The following APAF1 variants were observed in gnomAD, a reference collection of about 807,000 sequenced individuals.
APAF1 encodes the protein apoptotic peptidase activating factor 1, also known as apoptotic protease-activating factor 1.
In APAF1, 91 loss-of-function variants were observed where a neutral mutation model predicts 152.4. The observed-to-expected ratio is 0.60, with a 90% CI of 0.50 to 0.71. APAF1 has a LOEUF of 0.71. APAF1 is among the 30% of genes least tolerant of loss of function. The pLI is 0.00. For synonymous variants in APAF1, 484 were observed against 494.1 expected (o/e 0.98, Z 0.27); for missense variants, 1,283 against 1,472.0 (o/e 0.87, Z 2.10).
At chr12:98,703,064 A>G (rs946626978) in intron 17 of APAF1, among the ~76,000 whole-genome samples, 7 of 152,180 alleles carry the variant, frequency 4.6e-5, no homozygotes, top group African/African-American at 1.7e-4. Flanking sequence ...AGCATTAGGG[A>G]GAACTACTCT....
chr12:98,698,596 A>G (rs777921326), intron 16 of APAF1, among the ~76,000 whole-genome samples: 27 of 152,158 alleles, frequency 1.8e-4, no homozygotes, highest in Non-Finnish European at 3.4e-4. Context: ...TTGAAAATGT[A>G]CCTGGCCAGA....
intron 5 of APAF1, among the ~76,000 whole-genome samples, chr12:98,660,191 C>T (rs1401957927): frequency 1.3e-5 from 2 of 151,996 alleles, no homozygotes; most frequent in African/African-American, 2.4e-5. Flanking sequence ...CTAAAAAATA[C>T]AAAAATTAAT....
chr12:98,661,806 T>G (rs1055160559), intron 5 of APAF1, among the ~76,000 whole-genome samples: 1 of 152,048 alleles, frequency 6.6e-6, no homozygotes, highest in African/African-American at 2.4e-5. Flanking sequence ...GACAAAAATG[T>G]TATTGTATAA....
chr12:98,708,996 A>G (rs1253851025), intron 20 of APAF1, among the ~76,000 whole-genome samples: 1 of 152,220 alleles, frequency 6.6e-6, no homozygotes, highest in Non-Finnish European at 1.5e-5. Flanking sequence ...CATGTTGTCT[A>G]CAAGAGTGAT....
At chr12:98,648,087 A>G (rs1252096018) in intron 1 of APAF1, among the ~76,000 whole-genome samples, 2 of 152,188 alleles carry the variant, frequency 1.3e-5, no homozygotes, top group African/African-American at 4.8e-5. Flanking sequence ...AAACAATTCC[A>G]TATCTTACTG....
chr12:98,705,458 G>A (rs2097720416), intron 18 of APAF1, among the ~76,000 whole-genome samples: 1 of 152,190 alleles, frequency 6.6e-6, no homozygotes, highest in South Asian at 2.1e-4. Context: ...ATAAGGCGGA[G>A]AAAATTTCAT....
chr12:98,674,821 G>T (rs1364514795), intron 12 of APAF1, among the ~76,000 whole-genome samples: 1 of 152,154 alleles, frequency 6.6e-6, no homozygotes, highest in South Asian at 2.1e-4. Flanking sequence ...ACTTAGAACA[G>T]CACCCAGTTC....
At position 98,671,701 on chromosome 12, in the gene APAF1, T is replaced by C; in HGVS notation, c.1775T>C (p.Met592Thr). The C allele has an allele frequency of 6.2e-7, 1 of 1,614,106 alleles. No homozygotes were observed. Among genetic ancestry groups the C allele is most frequent in the Non-Finnish European group, 8.5e-7 (1 of 1,180,008 alleles). Residue 592 changes from methionine to threonine, a missense_variant, in exon 12 of 27, where the codon ATG becomes ACG. Transcript: ENST00000551964. ...LQAKQEVDNG[M>T]LYLEWINKKN... ...GCCAAGCAGGAGGTCGATAATGGAA[T>C]GCTTTACCTGGAATGGATGTAAGTA...
At chr12:98,706,909 C>T (rs1412061091) in intron 19 of APAF1, among the ~76,000 whole-genome samples, 1 of 152,092 alleles carries the variant, frequency 6.6e-6, no homozygotes, top group East Asian at 1.9e-4. Context: ...TTTTCTTTAC[C>T]TTGAATTCCT....
At chr12:98,647,123 G>C (rs2097641993) in intron 1 of APAF1, among the ~76,000 whole-genome samples, 1 of 151,848 alleles carries the variant, frequency 6.6e-6, no homozygotes, top group Non-Finnish European at 1.5e-5. Context: ...AAAAAAAATT[G>C]ACAGTAGAGG....
Position 98,725,507 on chromosome 12 carries a change from G to A in APAF1, c.3423G>A (p.Leu1141=). Residue 1141 remains leucine, a synonymous_variant, in exon 25 of 27, where the codon CTG becomes CTA. Transcript: ENST00000551964. The part of the protein sequence containing the change: ...RCSAFSVDST[L]LATGDDNGEI... ...CTGCCTTCTCTGTGGACAGTACCCT[G>A]CTGGCAACGGGAGATGACAATGGAG... The A allele has an allele frequency of 6.2e-7, 1 of 1,614,164 alleles. No homozygotes were observed.
chr12:98,648,397 G>A lies in APAF1; in HGVS notation c.38G>A (p.Arg13Lys), dbSNP rs373035647. The A allele has an allele frequency of 2.3e-4, 378 of 1,614,052 alleles. 2 individuals are homozygous for A. In the South Asian group the frequency reaches 3.9e-3, roughly 17 times the overall value. The change falls in exon 2 of 27, where the codon AGA becomes AAA. Residue 13 changes from arginine to lysine, a missense_variant. Transcript: ENST00000551964. ...AKARNCLLQHREALEKDIKTS... is the reference protein window; with the variant it reads ...AKARNCLLQHKEALEKDIKTS... ...GCTCGAAATTGTTTGCTTCAACATA[G>A]AGAAGCTCTGGAAAAGGACATCAAG...
At chr12:98,686,192 T>C (rs2097697883) in intron 15 of APAF1, among the ~76,000 whole-genome samples, 1 of 152,228 alleles carries the variant, frequency 6.6e-6, no homozygotes, top group Middle Eastern at 3.2e-3. Flanking sequence ...GTTCTGCCTC[T>C]TAAGTCTCTT....
At chr12:98,666,558 C>T (rs1008602335) in intron 9 of APAF1, among the ~76,000 whole-genome samples, 20 of 152,162 alleles carry the variant, frequency 1.3e-4, no homozygotes, top group African/African-American at 2.4e-4. Flanking sequence ...CACTAACCTA[C>T]GTGTTCTTTT....
chr12:98,650,379 G>A (rs11109557), intron 4 of APAF1, among the ~76,000 whole-genome samples: 29,107 of 151,902 alleles, frequency 0.19, 2,950 homozygotes, highest in Non-Finnish European at 0.2. Context: ...CCAGCTACTC[G>A]GGAGGCTGAG....
At chr12:98,699,671 C>T (rs2097713262) in intron 17 of APAF1, 102 bp downstream of exon 17, 5 of 1,381,064 alleles carry the variant, frequency 3.6e-6, no homozygotes, top group East Asian at 2.5e-5. Flanking sequence ...TAAAGTCTAG[C>T]TGTGTGATTT....
chr12:98,663,065 C>G (rs1357421303), intron 7 of APAF1, among the ~76,000 whole-genome samples: 1 of 152,134 alleles, frequency 6.6e-6, no homozygotes, highest in Non-Finnish European at 1.5e-5. Flanking sequence ...CAGATGTGAC[C>G]TCTGCTGTTA....
In APAF1 at chr12:98,732,572, T is replaced by C. The variant is rs753812248; in HGVS notation, c.*6T>C. Reference sequence around the variant, plus strand: ...TTTTACAGACTTTAGAATAAAATAGTTAAGCATTAATGTAGTTGAACTTTT... The same window carrying C: ...TTTTACAGACTTTAGAATAAAATAGCTAAGCATTAATGTAGTTGAACTTTT... On this transcript the variant is annotated 3_prime_UTR_variant, in exon 27 of 27. Transcript: ENST00000551964. 3.8e-5 allele frequency: 58 copies of C among 1,537,914 alleles called. No homozygotes were observed. The highest frequency in any genetic ancestry group is 1.1e-5 in the Non-Finnish European group (12 of 1,114,002).
intron 3 of APAF1, 34 bp from the exon 4 acceptor site, chr12:98,649,453 T>G: frequency 4.4e-6 from 7 of 1,603,184 alleles, no homozygotes; most frequent in Non-Finnish European, 6.0e-6. Context: ...TCCAAAGTTC[T>G]ATTCATTCAT....
Sources: allele counts gnomAD v4.1 joint callset (sites outside exome capture counted in the v4.1 genomes callset), GRCh38; gene constraint gnomAD v4.1.1; transcripts MANE v1.5; gene names NCBI Gene and HGNC (gene_info 2026-07-23, HGNC 2026-07-21).